PHTF2: variants seen among roughly 807,000 people sequenced by gnomAD.
PHTF2 encodes the protein protein PHTF2.
Under a neutral mutation model 101.2 loss-of-function variants are expected in PHTF2, and 60 were observed. That is an observed-to-expected ratio of 0.59 (90% CI 0.48 to 0.73). The LOEUF (loss-of-function observed/expected upper bound fraction) is 0.73. PHTF2 is among the 30% of genes least tolerant of loss of function. The pLI is 0.00. For synonymous variants in PHTF2, 311 were observed against 307.3 expected (o/e 1.01, Z -0.13); for missense variants, 747 against 908.7 (o/e 0.82, Z 2.29).
At chr7:77,911,284 C>T (rs904080863) in intron 9 of PHTF2, among the ~76,000 whole-genome samples, 1 of 142,184 alleles carries the variant, frequency 7.0e-6, no homozygotes, top group African/African-American at 2.7e-5. Flanking sequence ...TTTTTGCATA[C>T]AACTATACAA....
exon 20 of PHTF2, chr7:77,954,893 G>C (rs757967104): frequency 1.4e-6 from 2 of 1,436,554 alleles, no homozygotes; most frequent in Middle Eastern, 1.8e-4. Flanking sequence ...TCAAAGAAAA[G>C]AAGATGTAGC....
chr7:77,925,835 A>G (rs952890479), intron 11 of PHTF2, among the ~76,000 whole-genome samples: 3 of 152,014 alleles, frequency 2.0e-5, no homozygotes, highest in Non-Finnish European at 4.4e-5. Flanking sequence ...AGGCGGGCAG[A>G]TCACGAGGTC....
chr7:77,887,409 C>G (rs1799962956), intron 3 of PHTF2, among the ~76,000 whole-genome samples: 1 of 150,856 alleles, frequency 6.6e-6, no homozygotes, highest in African/African-American at 2.4e-5. Flanking sequence ...GGTTGCTGTT[C>G]CATAATTATT....
chr7:77,902,149 C>T (rs958162667), intron 7 of PHTF2, among the ~76,000 whole-genome samples: 4 of 151,860 alleles, frequency 2.6e-5, no homozygotes, highest in South Asian at 2.1e-4. Flanking sequence ...AAATAGAAAT[C>T]GAGAAGATTT....
chr7:77,897,829 C>T (rs138678538), intron 5 of PHTF2, among the ~76,000 whole-genome samples: 1,857 of 152,148 alleles, frequency 0.012, 15 homozygotes, highest in Middle Eastern at 0.031. Context: ...TACAGGCGCC[C>T]GCTACCACGC....
Position 77,834,372 on chromosome 7 carries a change from T to C in PHTF2, c.-35-5849T>C, listed in dbSNP as rs190747592. On this transcript the variant is annotated intron_variant, in intron 1 of 19. Transcript: ENST00000416283. ...AGGAAGAAGCAGTTCCTGAGTTGTT[T>C]ACTGAGAATTTATGTTAAAATAACA... 1.6e-3 allele frequency among the ~76,000 whole-genome samples: 248 copies of C among 152,152 alleles called. 3 individuals carry two copies. Among genetic ancestry groups the C allele is most frequent in the Non-Finnish European group, 2.7e-3 (181 of 67,986 alleles).
intron 3 of PHTF2, among the ~76,000 whole-genome samples, chr7:77,860,272 A>G (rs754055149): frequency 4.6e-5 from 7 of 152,224 alleles, no homozygotes; most frequent in Non-Finnish European, 1.0e-4. Context: ...AGTTTAAAAA[A>G]TTTATACTCT....
chr7:77,839,231 C>T (rs774176843), intron 1 of PHTF2, among the ~76,000 whole-genome samples: 50 of 152,098 alleles, frequency 3.3e-4, no homozygotes, highest in Admixed American at 5.2e-4. Context: ...CAGCCAATAA[C>T]TGCTTTTGAA....
At chr7:77,856,589 C>T (rs763178245) in intron 3 of PHTF2, among the ~76,000 whole-genome samples, 3 of 152,150 alleles carry the variant, frequency 2.0e-5, no homozygotes, top group Admixed American at 6.5e-5. Flanking sequence ...CTCCTAGGCT[C>T]GAAGTCCTGG....
chr7:77,880,874 A>G (rs948266194), intron 3 of PHTF2, among the ~76,000 whole-genome samples: 7 of 152,220 alleles, frequency 4.6e-5, no homozygotes, highest in South Asian at 2.1e-4. Flanking sequence ...GTATGTGTGG[A>G]TATTTAAATT....
chr7:77,817,312 G>A (rs1357932653), intron 1 of PHTF2, among the ~76,000 whole-genome samples: 2 of 152,110 alleles, frequency 1.3e-5, no homozygotes, highest in Non-Finnish European at 2.9e-5. Context: ...TTTCCCTGAT[G>A]ATTAGTGTAT....
intron 16 of PHTF2, among the ~76,000 whole-genome samples, chr7:77,945,610 C>T (rs1028387608): frequency 6.6e-6 from 1 of 152,138 alleles, no homozygotes; most frequent in East Asian, 1.9e-4. Flanking sequence ...ACAAATAATA[C>T]ATTCTTTAAA....
chr7:77,803,913 A>G lies in PHTF2; in HGVS notation c.-36+4942A>G, dbSNP rs553603123. On this transcript the variant is annotated intron_variant, in intron 1 of 19. Coordinates refer to ENST00000416283, the Ensembl canonical transcript of PHTF2. The stretch of plus-strand genomic sequence containing the variant: ...ATCAACTTTTTTCTGAAGAAAGTAC[A>G]TCAAACTCATTAAACCAGATGGAAT... 3.9e-5 allele frequency among the ~76,000 whole-genome samples: 6 copies of G among 152,320 alleles called. No homozygotes were observed. The South Asian group carries it at 1.2e-3, about 32-fold the overall frequency.
intron 5 of PHTF2, 36 bp from the exon 5 acceptor site, chr7:77,900,675 A>G: frequency 1.0e-6 from 1 of 995,928 alleles, no homozygotes; most frequent in Non-Finnish European, 1.6e-6. Context: ...ATTTAAGTAT[A>G]TATACAATTC....
intron 3 of PHTF2, among the ~76,000 whole-genome samples, chr7:77,861,660 T>C (rs971940768): frequency 6.6e-6 from 1 of 152,226 alleles, no homozygotes; most frequent in Non-Finnish European, 1.5e-5. Flanking sequence ...CAGTGGCTCA[T>C]GCCTGTAATT....
intron 1 of PHTF2, among the ~76,000 whole-genome samples, chr7:77,838,470 A>C (rs953478680): frequency 6.6e-6 from 1 of 152,218 alleles, no homozygotes; most frequent in East Asian, 1.9e-4. Flanking sequence ...TTAAACTGCT[A>C]TGTTTAAAAA....
At chr7:77,893,038 A>T (rs1307649620) in intron 3 of PHTF2, among the ~76,000 whole-genome samples, 1 of 152,230 alleles carries the variant, frequency 6.6e-6, no homozygotes, top group Non-Finnish European at 1.5e-5. Flanking sequence ...ATTTACAATT[A>T]AGGATTCCCT....
chr7:77,874,826 A>G (rs1347582333), intron 3 of PHTF2, among the ~76,000 whole-genome samples: 1 of 152,226 alleles, frequency 6.6e-6, no homozygotes, highest in African/African-American at 2.4e-5. Flanking sequence ...GTCTAGTTTC[A>G]TTCTTCTGTA....
At chr7:77,893,853 A>T in intron 4 of PHTF2, 129 bp from the exon 4 acceptor site, 1 of 749,820 alleles carries the variant, frequency 1.3e-6, no homozygotes, top group Non-Finnish European at 2.3e-6. Context: ...TCTTTTTATC[A>T]TCTTTCTGTT....
Sources: gnomAD v4.1 joint callset for allele counts (sites outside exome capture counted in the v4.1 genomes callset) on GRCh38, gnomAD v4.1.1 for gene constraint, MANE v1.5 for transcripts, NCBI Gene and HGNC (gene_info 2026-07-23, HGNC 2026-07-21) for gene names.